RAB4B: variants seen among roughly 807,000 people sequenced by gnomAD.
RAB4B encodes RAB4B, member RAS oncogene family.
Under a neutral mutation model 28.3 loss-of-function variants are expected in RAB4B, and 15 were observed. The observed-to-expected ratio is 0.53, with a 90% confidence interval of 0.35 to 0.82. The LOEUF (loss-of-function observed/expected upper bound fraction) is 0.82, where lower values mean the gene tolerates loss of function less well. RAB4B is among the 40% of genes least tolerant of loss of function. The pLI is 0.01. For synonymous variants in RAB4B, 108 were observed against 116.3 expected, an observed-to-expected ratio of 0.93 and a Z score of 0.46; for missense variants, 244 against 288.5, an observed-to-expected ratio of 0.85 and a Z score of 1.12.
intron 4 of RAB4B, 28 bp downstream of exon 4, chr19:40,783,868 G>A: frequency 8.1e-7 from 1 of 1,237,488 alleles, no homozygotes; most frequent in Non-Finnish European, 1.2e-6. Context: ...GTGGGGTAGG[G>A]CATGGGTGGT....
chr19:40,786,471 A>C (rs970652089), intron 5 of RAB4B, 194 bp from the exon 6 acceptor site: 1 of 743,144 alleles, frequency 1.3e-6, no homozygotes, highest in Non-Finnish European at 2.1e-6. Context: ...GTGTGAGCTG[A>C]GCTCTGAAGG....
chr19:40,782,886 C>T (rs2083062607), intron 3 of RAB4B, among the ~76,000 whole-genome samples: 1 of 151,832 alleles, frequency 6.6e-6, no homozygotes, highest in South Asian at 2.1e-4. Context: ...CGCCTGTAAT[C>T]CCAACACTTT....
At chr19:40,788,223 G>A (rs990536957) in intron 7 of RAB4B, among the ~76,000 whole-genome samples, 11 of 152,068 alleles carry the variant, frequency 7.2e-5, no homozygotes, top group African/African-American at 1.9e-4. Flanking sequence ...TCGACTGGGC[G>A]CAGTGGCTCA....
chr19:40,781,478 A>G (rs2083047427), intron 3 of RAB4B, among the ~76,000 whole-genome samples: 1 of 152,040 alleles, frequency 6.6e-6, no homozygotes, highest in Admixed American at 6.6e-5. Flanking sequence ...CATGAGAGCC[A>G]CAGAGATGGA....
At chr19:40,793,572 G>GTTTTTTTTTT (rs373163247) in intron 7 of RAB4B, among the ~76,000 whole-genome samples, 3 of 125,414 alleles carry the variant, frequency 2.4e-5, no homozygotes, top group Non-Finnish European at 4.9e-5. Context: ...TTTCTTTTTT[G>GTTTTTTTTTT]TTTTTTTTTT....
intron 5 of RAB4B, among the ~76,000 whole-genome samples, chr19:40,785,342 C>CAAAAAAA (rs59914589): frequency 2.0e-5 from 1 of 49,646 alleles, no homozygotes; most frequent in Non-Finnish European, 4.4e-5. Flanking sequence ...CCTGCCTCTA[C>CAAAAAAA]AAAAAAAAAA....
chr19:40,784,134 G>A, intron 5 of RAB4B, 59 bp downstream of exon 5: 1 of 1,517,170 alleles, frequency 6.6e-7, no homozygotes, highest in Non-Finnish European at 8.9e-7. Context: ...AGGGACCATG[G>A]GTTTACTGGC....
In RAB4B at chr19:40,796,681, C is replaced by G. The variant is rs142208550; in HGVS notation, c.*127C>G. On this transcript the variant is annotated 3_prime_UTR_variant, in exon 8 of 8. Coordinates refer to ENST00000357052, the MANE Select transcript of RAB4B (RefSeq NM_016154.5). Reference sequence around the variant, plus strand: ...GCTACGTTGCCACCTGTCCCCCTTCCCTGGCCTGGTGGGGCCTGGCTTTGG... The same window carrying G: ...GCTACGTTGCCACCTGTCCCCCTTCGCTGGCCTGGTGGGGCCTGGCTTTGG... The G allele has an allele frequency of 1.3e-5, 2 of 153,084 alleles. No homozygotes were observed. The highest frequency in any genetic ancestry group is 6.5e-5 in the Admixed American group (1 of 15,286). The allele number at this position is 153,084 out of a possible 1,614,324, so 9.5% of individuals were successfully genotyped here. A position where few individuals can be genotyped will look rare whatever the true frequency, so the allele number is the denominator to read the frequency against.
intron 7 of RAB4B, among the ~76,000 whole-genome samples, chr19:40,790,485 C>T (rs149054197): frequency 0.035 from 5,280 of 151,066 alleles, 140 homozygotes; most frequent in Non-Finnish European, 0.055. Flanking sequence ...ATTCTCCTGC[C>T]TCAGCCTCCT....
At position 40,788,339 on chromosome 19, in the gene RAB4B, C is replaced by T. The variant is rs149811143; in HGVS notation, c.*15+1361C>T. On this transcript the variant is annotated intron_variant, in intron 7 of 7. Coordinates refer to ENST00000357052, the MANE Select transcript of RAB4B (RefSeq NM_016154.5). ...TCCACAAAAAGTTTTTTAAAATTAG[C>T]GAGGCGTGGTGGTGTGCACCTGGAG... Among the ~76,000 whole-genome samples the T allele has an allele frequency of 1.5e-3, 232 of 151,840 alleles. 1 individual carries two copies. The highest frequency in any genetic ancestry group is 5.5e-3 in the African/African-American group (226 of 41,424).
Position 40,778,247 on chromosome 19 carries a change from G to A in RAB4B, c.-129G>A. 3 of 828,886 alleles carry A rather than the reference G, an allele frequency of 3.6e-6. No homozygotes were observed. Among genetic ancestry groups the A allele is most frequent in the Non-Finnish European group, 5.3e-6 (3 of 568,150 alleles). The allele number at this position is 828,886 out of a possible 1,614,324, so 51.3% of individuals were successfully genotyped here. A position where few individuals can be genotyped will look rare whatever the true frequency, so the allele number is the denominator to read the frequency against. ...GGTCGCGCCGGAGGGGGGCGGAGGC[G>A]GAAGTGGCGGTGCCGGGCCCGGGGA... On this transcript the variant is annotated 5_prime_UTR_variant, in exon 1 of 8. Coordinates refer to ENST00000357052, the MANE Select transcript of RAB4B (RefSeq NM_016154.5).
chr19:40,787,024 T>C (rs2083106570), intron 7 of RAB4B, 46 bp downstream of exon 7: 2 of 1,475,006 alleles, frequency 1.4e-6, no homozygotes, highest in African/African-American at 2.8e-5. Context: ...CTCTTGGGCA[T>C]GGGGGAGATG....
intron 7 of RAB4B, among the ~76,000 whole-genome samples, chr19:40,793,415 A>G (rs1420413072): frequency 6.6e-6 from 1 of 150,748 alleles, no homozygotes; most frequent in Non-Finnish European, 1.5e-5. Flanking sequence ...TTATATTTGT[A>G]TTTTTTGAAG....
intron 7 of RAB4B, among the ~76,000 whole-genome samples, chr19:40,795,764 A>C (rs1246926749): frequency 1.4e-5 from 2 of 148,016 alleles, no homozygotes; most frequent in Admixed American, 6.9e-5. Flanking sequence ...TTGGAGTGCA[A>C]TAGTGCAATG....
chr19:40,782,270 G>A (rs1297623935), intron 3 of RAB4B, among the ~76,000 whole-genome samples: 1 of 152,154 alleles, frequency 6.6e-6, no homozygotes, highest in African/African-American at 2.4e-5. Context: ...TGGAATGATT[G>A]CATGAGTTCC....
At position 40,795,499 on chromosome 19, in the gene RAB4B, A is replaced by G. The variant is rs28636772; in HGVS notation, c.*16-1071A>G. Among the ~76,000 whole-genome samples the G allele has an allele frequency of 4.7e-3, 715 of 151,814 alleles. 6 individuals are homozygous for G. The highest frequency in any genetic ancestry group is 0.017 in the African/African-American group (691 of 41,374). Reference sequence around the variant, plus strand: ...ACTGCAACCTCCGCCTCCTGGGTTCAAGTGATTCTCCTGCCTCAGCCTCCC... The same window carrying G: ...ACTGCAACCTCCGCCTCCTGGGTTCGAGTGATTCTCCTGCCTCAGCCTCCC... On this transcript the variant is annotated intron_variant, in intron 7 of 7. Coordinates refer to ENST00000357052, the MANE Select transcript of RAB4B (RefSeq NM_016154.5).
chr19:40,793,585 T>G (rs1599751646), intron 7 of RAB4B, among the ~76,000 whole-genome samples: 3 of 123,206 alleles, frequency 2.4e-5, no homozygotes, highest in Admixed American at 9.4e-5. Context: ...TTTTTTTTTT[T>G]TTTTTTTTTT....
intron 5 of RAB4B, chr19:40,785,756 T>G (rs1325868813): frequency 2.0e-5 from 3 of 152,386 alleles, no homozygotes; most frequent in Non-Finnish European, 4.4e-5. Flanking sequence ...TAGATGGTGC[T>G]AGAGACACAG....
chr19:40,793,797 TC>T (rs2083182835), intron 7 of RAB4B, among the ~76,000 whole-genome samples: 1 of 151,314 alleles, frequency 6.6e-6, no homozygotes, highest in African/African-American at 2.4e-5. Flanking sequence ...GGTGGTGTGC[TC>T]CTGTAATCCC....
Sources: gnomAD v4.1 joint callset for allele counts (sites outside exome capture counted in the v4.1 genomes callset) on GRCh38, gnomAD v4.1.1 for gene constraint, MANE v1.5 for transcripts, NCBI Gene and HGNC (gene_info 2026-07-23, HGNC 2026-07-21) for gene names.